PTPN3: variants seen among roughly 807,000 people sequenced by gnomAD.
The protein encoded by PTPN3 is protein tyrosine phosphatase non-receptor type 3.
PTPN3 carries 96 observed loss-of-function variants against 132.7 expected under a neutral mutation model. That is an observed-to-expected ratio of 0.72 (90% CI 0.61 to 0.86). The LOEUF is 0.86. PTPN3 is among the 40% of genes least tolerant of loss of function. The pLI, the probability that PTPN3 is intolerant of heterozygous loss-of-function variation, is 0.00. For missense variants in PTPN3, 1,125 were observed against 1,159.6 expected (o/e 0.97, Z 0.43); for synonymous variants, 398 against 429.0 (o/e 0.93, Z 0.89).
In PTPN3 at chr9:109,420,551, C is replaced by A. The variant is rs761723063; in HGVS notation, c.1186G>T (p.Ala396Ser). The change falls in exon 14 of 26, where the codon GCA becomes TCA. Residue 396 changes from alanine (A) to serine (S), a missense_variant. By Grantham distance (99) the Ala-to-Ser change is moderately conservative (BLOSUM62 1). Coordinates refer to ENST00000374541, the MANE Select transcript of PTPN3 (RefSeq NM_002829.4). ...GTCATTTCATTTGCAAGGTTATCTG[C>A]AGAAGAGTGGCGTGGCTTTCGGATT... is the stretch of plus-strand genomic sequence containing the variant. Reference protein sequence around the residue: ...HEIRKPRHSSADNLANEMTYI... With the variant: ...HEIRKPRHSSSDNLANEMTYI... The A allele has an allele frequency of 1.2e-5, 20 of 1,612,942 alleles. No homozygotes were observed. Among genetic ancestry groups the A allele is most frequent in the Non-Finnish European group, 1.6e-5 (19 of 1,179,828 alleles).
intron 22 of PTPN3, among the ~76,000 whole-genome samples, chr9:109,388,201 T>G (rs898527804): frequency 1.3e-5 from 2 of 152,046 alleles, no homozygotes; most frequent in Non-Finnish European, 2.9e-5. Context: ...GAAGAACTGG[T>G]GGGTGGTGAT....
At chr9:109,482,585 T>C (rs1386531142) in intron 1 of PTPN3, among the ~76,000 whole-genome samples, 1 of 152,216 alleles carries the variant, frequency 6.6e-6, no homozygotes, top group Non-Finnish European at 1.5e-5. Flanking sequence ...TTATTGGTGC[T>C]AGGGTGTTAA....
the PTPN3 span, chr9:109,533,977 CT>C: frequency 6.6e-6 from 5 of 761,358 alleles, no homozygotes; most frequent in Admixed American, 1.8e-5. Flanking sequence ...CCTCTGCACC[CT>C]TTTCTCCTTC....
In PTPN3 at chr9:109,441,044, G is replaced by C. The variant is rs573130805; in HGVS notation, c.467-2810C>G. Reference sequence around the variant, plus strand: ...TTTTTATCCCCACTAAACACATAAGGAAACAGACCCAAAGGGGTCTGCCAC... The same window carrying C: ...TTTTTATCCCCACTAAACACATAAGCAAACAGACCCAAAGGGGTCTGCCAC... On this transcript the variant is annotated intron_variant, in intron 7 of 25. Transcript: ENST00000374541. 3.3e-5 allele frequency among the ~76,000 whole-genome samples: 5 copies of C among 152,242 alleles called. No homozygotes were observed. In the South Asian group the frequency reaches 1.0e-3, roughly 32 times the overall value.
At chr9:109,396,247 G>C (rs1175816548) in intron 19 of PTPN3, among the ~76,000 whole-genome samples, 2 of 152,228 alleles carry the variant, frequency 1.3e-5, no homozygotes, top group African/African-American at 4.8e-5. Flanking sequence ...TGAGAAGGCG[G>C]AGGGACAGAG....
In PTPN3 at chr9:109,381,861, CG is replaced by C. The variant is rs1839126518; in HGVS notation, c.2529-75del. 4 of 1,565,806 alleles carry C rather than the reference CG, an allele frequency of 2.6e-6. No individual in the cohort carries two copies. The African/African-American group carries it at 5.4e-5, about 21-fold the overall frequency. Reference sequence around the variant, plus strand: ...CTGCATGGCCCAGCGAGCAGTTCCCCGCTGACTCCAAAGGGGCTTTCCTCCC... The same window carrying C: ...CTGCATGGCCCAGCGAGCAGTTCCCCCTGACTCCAAAGGGGCTTTCCTCCC... On this transcript the variant is annotated intron_variant, in intron 24 of 25. Coordinates refer to ENST00000374541, the MANE Select transcript of PTPN3 (RefSeq NM_002829.4).
At chr9:109,432,872 G>A (rs1378944163) in intron 10 of PTPN3, among the ~76,000 whole-genome samples, 1 of 152,172 alleles carries the variant, frequency 6.6e-6, no homozygotes, top group Non-Finnish European at 1.5e-5. Context: ...GTGAGTTGGG[G>A]GAAGGGAATG....
At chr9:109,483,684 G>A (rs1847071908) in intron 1 of PTPN3, among the ~76,000 whole-genome samples, 1 of 152,086 alleles carries the variant, frequency 6.6e-6, no homozygotes, top group African/African-American at 2.4e-5. Context: ...CTCTCACCGG[G>A]CTCTTACGAT....
chr9:109,536,812 T>A, the PTPN3 span, among the ~76,000 whole-genome samples: 30 of 152,218 alleles, frequency 2.0e-4, no homozygotes, highest in African/African-American at 6.5e-4. Flanking sequence ...TTGCCTTTGA[T>A]GAACTTATTG....
chr9:109,488,342 C>T (rs541138393), intron 1 of PTPN3, among the ~76,000 whole-genome samples: 20 of 152,092 alleles, frequency 1.3e-4, no homozygotes, highest in Admixed American at 1.2e-3. Context: ...TCAGGTGATC[C>T]ACCCGCCTCT....
intron 19 of PTPN3, among the ~76,000 whole-genome samples, chr9:109,398,411 A>G (rs1016334368): frequency 6.6e-6 from 1 of 152,254 alleles, no homozygotes; most frequent in African/African-American, 2.4e-5. Flanking sequence ...CACAGGAGCC[A>G]GTGAGTCACT....
At chr9:109,417,897 G>C (rs908209273) in intron 14 of PTPN3, 1 of 619,090 alleles carries the variant, frequency 1.6e-6, no homozygotes, top group African/African-American at 2.0e-5. Flanking sequence ...GTCTCAAGGA[G>C]GGGTTTCAAG....
At chr9:109,411,411 C>T (rs1427519434) in intron 14 of PTPN3, among the ~76,000 whole-genome samples, 1 of 152,158 alleles carries the variant, frequency 6.6e-6, no homozygotes, top group Non-Finnish European at 1.5e-5. Flanking sequence ...ATTTCTAACC[C>T]CTCAGAGTCA....
chr9:109,489,163 A>C (rs1847344416), intron 1 of PTPN3, among the ~76,000 whole-genome samples: 1 of 152,170 alleles, frequency 6.6e-6, no homozygotes, highest in Non-Finnish European at 1.5e-5. Flanking sequence ...CTCCCTGTCC[A>C]TCTATCATAA....
At chr9:109,418,131 C>T (rs1305224981) in intron 14 of PTPN3, among the ~76,000 whole-genome samples, 9 of 152,180 alleles carry the variant, frequency 5.9e-5, no homozygotes, top group Non-Finnish European at 1.0e-4. Flanking sequence ...GTACTGTTCC[C>T]TAAGCCCCCC....
intron 2 of PTPN3, among the ~76,000 whole-genome samples, chr9:109,462,856 T>C (rs1845914189): frequency 6.6e-6 from 1 of 151,928 alleles, no homozygotes; most frequent in Non-Finnish European, 1.5e-5. Flanking sequence ...CCCTTTCTAT[T>C]CTTTCCTGTT....
chr9:109,437,371 G>C (rs1056921519), intron 8 of PTPN3, among the ~76,000 whole-genome samples: 2 of 152,188 alleles, frequency 1.3e-5, no homozygotes, highest in African/African-American at 4.8e-5. Context: ...ACTATTTTAG[G>C]AGATTGACTT....
the PTPN3 span, among the ~76,000 whole-genome samples, chr9:109,532,182 A>G: frequency 6.6e-6 from 1 of 152,212 alleles, no homozygotes; most frequent in Non-Finnish European, 1.5e-5. Context: ...CTGTCAGTAC[A>G]GCTGGCCACT....
chr9:109,412,979 G>A (rs1257074014), intron 14 of PTPN3, among the ~76,000 whole-genome samples: 6 of 142,592 alleles, frequency 4.2e-5, no homozygotes, highest in South Asian at 2.2e-4. Flanking sequence ...TTGCCCTGTC[G>A]CCCAGGCTGG....
Sources: gnomAD v4.1 joint callset for allele counts (sites outside exome capture counted in the v4.1 genomes callset) on GRCh38, gnomAD v4.1.1 for gene constraint, MANE v1.5 for transcripts, NCBI Gene and HGNC (gene_info 2026-07-23, HGNC 2026-07-21) for gene names.